The following PTPN14 variants were observed in gnomAD, a reference collection of about 807,000 sequenced individuals.
The protein encoded by PTPN14 is protein tyrosine phosphatase non-receptor type 14.
Under a neutral mutation model 126.8 loss-of-function variants are expected in PTPN14, and 53 were observed. That is an observed-to-expected ratio of 0.42 (90% CI 0.34 to 0.53). PTPN14 has a LOEUF of 0.53. Among genes scored for constraint, PTPN14 ranks in the 20% least tolerant of loss-of-function variants. The pLI is 0.08. For synonymous variants in PTPN14, 630 were observed against 599.3 expected (o/e 1.05, Z -0.75); for missense variants, 1,257 against 1,552.9 (o/e 0.81, Z 3.20).
intron 5 of PTPN14, among the ~76,000 whole-genome samples, chr1:214,410,996 G>A (rs961666701): frequency 6.6e-6 from 1 of 152,114 alleles, no homozygotes; most frequent in African/African-American, 2.4e-5. Flanking sequence ...GAATGATGTT[G>A]GAATTTTGAT....
chr1:214,502,467 T>C (rs1049685928), intron 1 of PTPN14, among the ~76,000 whole-genome samples: 1 of 152,170 alleles, frequency 6.6e-6, no homozygotes, highest in Admixed American at 6.5e-5. Flanking sequence ...CATATGCAAA[T>C]AGTGTGCAAC....
intron 2 of PTPN14, among the ~76,000 whole-genome samples, chr1:214,454,491 G>A (rs1038831923): frequency 2.0e-5 from 3 of 152,042 alleles, no homozygotes; most frequent in Admixed American, 1.3e-4. Flanking sequence ...ATCCCTCAGA[G>A]AAAGAATATT....
At chr1:214,410,058 G>C (rs528085827) in intron 5 of PTPN14, among the ~76,000 whole-genome samples, 54 of 152,118 alleles carry the variant, frequency 3.5e-4, no homozygotes, top group African/African-American at 1.2e-3. Context: ...CTTATCTGAT[G>C]TATAATTTGC....
chr1:214,376,586 T>C (rs193169157), intron 14 of PTPN14, 149 bp from the exon 15 acceptor site: 9 of 695,082 alleles, frequency 1.3e-5, no homozygotes, highest in South Asian at 1.9e-5. Flanking sequence ...ATCAACCATA[T>C]TGATATTTTC....
At chr1:214,533,156 T>C (rs996527906) in intron 1 of PTPN14, 1 of 756,984 alleles carries the variant, frequency 1.3e-6, no homozygotes, top group Non-Finnish European at 2.3e-6. Flanking sequence ...CTGAGGGAGG[T>C]GGAGGTCCGC....
intron 2 of PTPN14, 37 bp from the exon 3 acceptor site, chr1:214,452,011 A>G: frequency 6.3e-7 from 1 of 1,584,586 alleles, no homozygotes; most frequent in Non-Finnish European, 8.6e-7. Flanking sequence ...GTTCATGCTC[A>G]CCACAAGCAT....
intron 1 of PTPN14, among the ~76,000 whole-genome samples, chr1:214,495,092 T>A (rs755759520): frequency 1.4e-4 from 21 of 152,170 alleles, no homozygotes; most frequent in Non-Finnish European, 2.9e-4. Flanking sequence ...GAGTTACTCA[T>A]TAAGGTGAAA....
intron 2 of PTPN14, among the ~76,000 whole-genome samples, chr1:214,455,091 T>A (rs745760000): frequency 6.6e-6 from 1 of 152,096 alleles, no homozygotes; most frequent in African/African-American, 2.4e-5. Flanking sequence ...ATACAGCACA[T>A]GTTTATTCTC....
At chr1:214,361,853 A>T (rs975260278) in intron 18 of PTPN14, among the ~76,000 whole-genome samples, 2 of 151,950 alleles carry the variant, frequency 1.3e-5, no homozygotes, top group Admixed American at 6.6e-5. Flanking sequence ...AGCTGTCCCC[A>T]CTCCCCACTG....
intron 3 of PTPN14, among the ~76,000 whole-genome samples, chr1:214,450,458 C>A (rs111962000): frequency 0.27 from 40,267 of 149,596 alleles, 6,121 homozygotes; most frequent in Non-Finnish European, 0.34. Flanking sequence ...GGTGACAGAG[C>A]AAGACTCCGT....
chr1:214,544,254 C>T, intron 1 of PTPN14, among the ~76,000 whole-genome samples: 1 of 152,024 alleles, frequency 6.6e-6, no homozygotes, highest in Non-Finnish European at 1.5e-5. Flanking sequence ...CATAGGGAGA[C>T]TCCATCTGTA....
intron 1 of PTPN14, among the ~76,000 whole-genome samples, chr1:214,501,716 T>C (rs2102431552): frequency 6.6e-6 from 1 of 152,196 alleles, no homozygotes; most frequent in South Asian, 2.1e-4. Flanking sequence ...CCAGGCGTAG[T>C]ATAGAGAAAA....
intron 1 of PTPN14, among the ~76,000 whole-genome samples, chr1:214,472,336 T>C (rs961122610): frequency 2.6e-5 from 4 of 152,070 alleles, no homozygotes; most frequent in Admixed American, 2.0e-4. Flanking sequence ...TCCTGCCATA[T>C]GCGATGCCTG....
intron 9 of PTPN14, 49 bp from the exon 10 acceptor site, chr1:214,393,826 T>C (rs1434911872): frequency 3.5e-6 from 5 of 1,412,716 alleles, no homozygotes; most frequent in Non-Finnish European, 5.0e-6. Flanking sequence ...TTGAATTAGT[T>C]ATACATTTCA....
chr1:214,369,646 A>C lies in PTPN14; in HGVS notation c.3082T>G (p.Ser1028Ala), dbSNP rs748113622. ...KSHRYWPKLGSKHSSATYGKF... is the reference protein window; with the variant it reads ...KSHRYWPKLGAKHSSATYGKF... ...CCATAGGTGGCTGAGCTGTGCTTTGAACCTAGTTTGGGCCAGTATCGGTGG... is the reference window on the plus strand; with the variant it reads ...CCATAGGTGGCTGAGCTGTGCTTTGCACCTAGTTTGGGCCAGTATCGGTGG... The change falls in exon 17 of 19, where the codon TCA becomes GCA. Residue 1028 changes from serine to alanine, a missense_variant. Around this residue, in one of 3 missense-constraint regions of PTPN14, gnomAD observed 171 missense variants for 229.8 expected, o/e 0.74. Transcript: ENST00000366956. 3.1e-6 allele frequency: 5 copies of C among 1,614,002 alleles called. No individual in the cohort carries two copies. The East Asian group carries it at 1.1e-4, about 36-fold the overall frequency.
At chr1:214,424,677 G>A (rs1411077296) in intron 3 of PTPN14, among the ~76,000 whole-genome samples, 1 of 152,014 alleles carries the variant, frequency 6.6e-6, no homozygotes, top group Non-Finnish European at 1.5e-5. Context: ...AAAGGTGTGT[G>A]CCACCACACC....
rs780150449 is a variant in PTPN14 at position 214,384,567 on chromosome 1, G to A, written c.1288C>T (p.Arg430Trp). The A allele has an allele frequency of 1.7e-5, 27 of 1,614,004 alleles. No homozygotes were observed. Among genetic ancestry groups the A allele is most frequent in the Middle Eastern group, 1.6e-4 (1 of 6,084 alleles). Reference protein sequence around the residue: ...IMRADYIPSHRHSAIIVPSYR... With the variant: ...IMRADYIPSHWHSAIIVPSYR... ...GAGGGCACGATGATCGCGCTGTGCC[G>A]GTGGCTCGGGATGTAGTCGGCCCGC... Residue 430 changes from arginine to tryptophan, a missense_variant, in exon 13 of 19, where the codon CGG (arginine) becomes TGG (tryptophan). This residue lies in a region of PTPN14 where 1,021 missense variants were observed against 1,183.3 expected (regional missense o/e 0.86). Transcript: ENST00000366956. This position sits in a 1 kb window ranked among gnomAD's most constrained non-coding sequence, Gnocchi z 5.3.
chr1:214,536,236 A>G (rs999006321), intron 1 of PTPN14, among the ~76,000 whole-genome samples: 1 of 151,812 alleles, frequency 6.6e-6, no homozygotes, highest in African/African-American at 2.4e-5. Flanking sequence ...GATGAAACCC[A>G]TAACTATGAA....
chr1:214,525,364 T>C (rs952977641), intron 1 of PTPN14, among the ~76,000 whole-genome samples: 9 of 152,210 alleles, frequency 5.9e-5, no homozygotes, highest in Non-Finnish European at 1.2e-4. Flanking sequence ...AAATTAATTG[T>C]AATGTAAACA....
Sources: allele counts gnomAD v4.1 joint callset (sites outside exome capture counted in the v4.1 genomes callset), GRCh38; gene constraint gnomAD v4.1.1; regional missense constraint gnomAD v4.1.1; non-coding constraint Gnocchi (gnomAD v3.1); transcripts MANE v1.5; gene names NCBI Gene and HGNC (gene_info 2026-07-23, HGNC 2026-07-21).